The following MYO1E variants were observed in gnomAD, a reference collection of about 807,000 sequenced individuals.
The protein encoded by MYO1E is unconventional myosin-Ie.
A neutral mutation model predicts 151.1 loss-of-function variants in MYO1E; 68 were observed. That is an observed-to-expected ratio of 0.45 (90% CI 0.37 to 0.55). The LOEUF (loss-of-function observed/expected upper bound fraction) is 0.55, where lower values mean the gene tolerates loss of function less well. Among genes scored for constraint, MYO1E ranks in the 20% least tolerant of loss-of-function variants. The pLI is 0.00. For synonymous variants in MYO1E, 601 were observed against 501.7 expected, an observed-to-expected ratio of 1.20 and a Z score of -2.64; for missense variants, 1,363 against 1,389.3, an observed-to-expected ratio of 0.98 and a Z score of 0.30.
At chr15:59,317,653 G>C (rs1365675138) in intron 1 of MYO1E, among the ~76,000 whole-genome samples, 1 of 152,094 alleles carries the variant, frequency 6.6e-6, no homozygotes, top group Non-Finnish European at 1.5e-5. Flanking sequence ...TGGAATTTCT[G>C]TTCTTCGGAA....
chr15:59,313,874 A>G (rs985170146), intron 1 of MYO1E, among the ~76,000 whole-genome samples: 2 of 152,242 alleles, frequency 1.3e-5, no homozygotes, highest in East Asian at 1.9e-4. Flanking sequence ...ACCACATGAA[A>G]TTATGAGAAT....
intron 5 of MYO1E, 68 bp downstream of exon 5, chr15:59,236,517 T>C (rs1349688763): frequency 2.2e-6 from 3 of 1,385,774 alleles, no homozygotes; most frequent in Non-Finnish European, 3.1e-6. Context: ...AATTCTTTTC[T>C]AACAGCAAAT....
In MYO1E at chr15:59,350,088, T is replaced by C. The variant is rs1216309326; in HGVS notation, c.3+22410A>G. ...AGGCATTTTATAATTTTCTTATTAA[T>C]TGTCAATACATCACCACTTGAATGA... On this transcript the variant is annotated intron_variant, in intron 1 of 27. Coordinates refer to ENST00000288235, the MANE Select transcript of MYO1E (RefSeq NM_004998.4). The surrounding 1 kb of genome is among the most constrained non-coding windows in gnomAD (Gnocchi z 5.0). Among the ~76,000 whole-genome samples the C allele has an allele frequency of 6.6e-6, 1 of 152,250 alleles. No homozygotes were observed. The highest frequency in any genetic ancestry group is 2.4e-5 in the African/African-American group (1 of 41,466).
At chr15:59,234,262 G>GA (rs1566987695) in intron 5 of MYO1E, among the ~76,000 whole-genome samples, 1 of 134,188 alleles carries the variant, frequency 7.5e-6, no homozygotes, top group African/African-American at 3.7e-5. Flanking sequence ...GGATGGATGG[G>GA]TGCATGGATG....
chr15:59,140,746 G>T (rs541132028), intron 26 of MYO1E, among the ~76,000 whole-genome samples: 1 of 152,296 alleles, frequency 6.6e-6, no homozygotes, highest in South Asian at 2.1e-4. Context: ...AGGGGTGGCT[G>T]GGGGGAACAC....
At chr15:59,176,142 T>C (rs779619653) in intron 19 of MYO1E, among the ~76,000 whole-genome samples, 1 of 152,182 alleles carries the variant, frequency 6.6e-6, no homozygotes, top group Non-Finnish European at 1.5e-5. Flanking sequence ...CACTGCAAGC[T>C]CTGCCTCCTG....
chr15:59,346,544 T>G (rs868808220), intron 1 of MYO1E, among the ~76,000 whole-genome samples: 10 of 152,254 alleles, frequency 6.6e-5, no homozygotes, highest in African/African-American at 2.2e-4. Context: ...ATGGATAAAA[T>G]TATTAATATT....
chr15:59,208,600 A>G (rs2079856073), intron 14 of MYO1E, 81 bp downstream of exon 14: 2 of 1,512,612 alleles, frequency 1.3e-6, no homozygotes, highest in Non-Finnish European at 1.8e-6. Flanking sequence ...ACGGCGAGCC[A>G]TATGATTTGC....
chr15:59,342,907 C>G (rs1196871357), intron 1 of MYO1E, among the ~76,000 whole-genome samples: 1 of 152,158 alleles, frequency 6.6e-6, no homozygotes, highest in East Asian at 1.9e-4. Context: ...AATAAAAACT[C>G]TATAATTTTG....
At chr15:59,273,671 C>T (rs2080301559) in intron 1 of MYO1E, among the ~76,000 whole-genome samples, 1 of 93,864 alleles carries the variant, frequency 1.1e-5, no homozygotes, top group Non-Finnish European at 2.1e-5. Flanking sequence ...CCGGAGGAGA[C>T]CAGAGGAGGA....
In MYO1E at chr15:59,340,154, C is replaced by A. The variant is rs538081485; in HGVS notation, c.3+32344G>T. ...TACAGGCATGAGCCACTGCATCTGA[C>A]CTCTACAAAATATTTTTTAAATTGG... On this transcript the variant is annotated intron_variant, in intron 1 of 27. Transcript: ENST00000288235. 6.6e-5 allele frequency among the ~76,000 whole-genome samples: 10 copies of A among 152,218 alleles called. No homozygotes were observed. In the South Asian group the frequency reaches 2.1e-3, roughly 32 times the overall value.
chr15:59,357,476 G>A lies in MYO1E; in HGVS notation c.3+15022C>T, dbSNP rs1008830865. Reference sequence around the variant, plus strand: ...GTCTCACTCTGTCGCCCAGGCTGGAGAGCAGTGGTGCAATCTTGGCTCACT... The same window carrying A: ...GTCTCACTCTGTCGCCCAGGCTGGAAAGCAGTGGTGCAATCTTGGCTCACT... On this transcript the variant is annotated intron_variant, in intron 1 of 27. Coordinates refer to ENST00000288235, the MANE Select transcript of MYO1E (RefSeq NM_004998.4). Among the ~76,000 whole-genome samples the A allele has an allele frequency of 4.0e-5, 6 of 150,256 alleles. 1 individual carries two copies. The highest frequency in any genetic ancestry group is 4.2e-4 in the South Asian group (2 of 4,732).
Position 59,182,255 on chromosome 15 carries a change from C to G in MYO1E, c.1905-3718G>C, listed in dbSNP as rs147895302. On this transcript the variant is annotated intron_variant, in intron 18 of 27. Coordinates refer to ENST00000288235, the MANE Select transcript of MYO1E (RefSeq NM_004998.4). ...GAGATGGAGTTCCACTCTTGTCGCCCAGGCTGGAGTGCAGTGGCGCAGTCT... is the reference window on the plus strand; with the variant it reads ...GAGATGGAGTTCCACTCTTGTCGCCGAGGCTGGAGTGCAGTGGCGCAGTCT... 8.0e-3 allele frequency among the ~76,000 whole-genome samples: 1,213 copies of G among 152,120 alleles called. 13 individuals are homozygous for G. Among genetic ancestry groups the G allele is most frequent in the African/African-American group, 0.027 (1,134 of 41,474 alleles).
chr15:59,250,726 C>T (rs1170551809), intron 4 of MYO1E, among the ~76,000 whole-genome samples: 1 of 152,090 alleles, frequency 6.6e-6, no homozygotes, highest in African/African-American at 2.4e-5. Context: ...ACCGAGGAGG[C>T]CTGTGTCCTT....
intron 4 of MYO1E, among the ~76,000 whole-genome samples, chr15:59,239,067 G>A (rs950048823): frequency 2.0e-5 from 3 of 151,214 alleles, no homozygotes; most frequent in East Asian, 2.0e-4. Context: ...CTAGCTGGGC[G>A]TGATGGCAGG....
intron 26 of MYO1E, among the ~76,000 whole-genome samples, chr15:59,153,146 C>T (rs1207751063): frequency 6.6e-6 from 1 of 152,170 alleles, no homozygotes; most frequent in Non-Finnish European, 1.5e-5. Flanking sequence ...ACTATAAAGC[C>T]ACAAAGACCC....
At chr15:59,337,756 C>G (rs1441038037) in intron 1 of MYO1E, among the ~76,000 whole-genome samples, 1 of 152,082 alleles carries the variant, frequency 6.6e-6, no homozygotes, top group African/African-American at 2.4e-5. Context: ...CGCTTGAACC[C>G]AGGAGGTGGA....
rs371406160 is a variant in MYO1E at position 59,238,323 on chromosome 15, T to C, written c.333-1651A>G. Among the ~76,000 whole-genome samples the C allele has an allele frequency of 7.2e-5, 11 of 152,190 alleles. No individual in the cohort carries two copies. The East Asian group carries it at 1.3e-3, about 19-fold the overall frequency. ...ACTCCATTTTAGAAGTTGTAAACAA[T>C]GTAAACATTCAAGAATATTGGAAAG... is the stretch of plus-strand genomic sequence containing the variant. On this transcript the variant is annotated intron_variant, in intron 4 of 27. Coordinates refer to ENST00000288235, the MANE Select transcript of MYO1E (RefSeq NM_004998.4).
intron 26 of MYO1E, among the ~76,000 whole-genome samples, chr15:59,149,052 G>GTTTTTTTTTTTTTTTTTTT (rs570700878): frequency 7.8e-6 from 1 of 128,234 alleles, no homozygotes. Context: ...TTTTTTTTTT[G>GTTTTTTTTTTTTTTTTTTT]TTTTTTTTTT....
Sources: allele counts gnomAD v4.1 joint callset (sites outside exome capture counted in the v4.1 genomes callset), GRCh38; gene constraint gnomAD v4.1.1; non-coding constraint Gnocchi (gnomAD v3.1); transcripts MANE v1.5; gene names NCBI Gene and HGNC (gene_info 2026-07-23, HGNC 2026-07-21).